Variants in C1orf146 observed in about 807,000 individuals in gnomAD.
C1orf146 encodes the protein chromosome 1 open reading frame 146, also known as protein SPO16 homolog.
A neutral mutation model predicts 23.0 loss-of-function variants in C1orf146; 22 were observed. The observed-to-expected ratio is 0.96, with a 90% CI of 0.68 to 1.36. The LOEUF is 1.36. Among genes scored for constraint, C1orf146 ranks in the 40% most tolerant of loss-of-function variants. The probability of loss-of-function intolerance (pLI) is 0.00; values close to 1 mark genes in which losing one functional copy is unlikely to be tolerated. For missense variants in C1orf146, 199 were observed against 206.8 expected (o/e 0.96, Z 0.23); for synonymous variants, 59 against 65.3 (o/e 0.90, Z 0.47).
At chr1:92,242,091 T>C (rs1652443870) in intron 2 of C1orf146, 121 bp from the exon 3 acceptor site, 1 of 493,774 alleles carries the variant, frequency 2.0e-6, no homozygotes, top group Non-Finnish European at 3.5e-6. Flanking sequence ...ATTTATCTTT[T>C]GATGATCATA....
At chr1:92,234,646 C>T (rs1376727278) in intron 2 of C1orf146, among the ~76,000 whole-genome samples, 2 of 151,742 alleles carry the variant, frequency 1.3e-5, no homozygotes, top group South Asian at 2.1e-4. Flanking sequence ...AGGGAGGATT[C>T]CCTCTTTTTC....
chr1:92,227,266 G>C (rs925299499), intron 1 of C1orf146, among the ~76,000 whole-genome samples: 3 of 152,162 alleles, frequency 2.0e-5, no homozygotes, highest in African/African-American at 7.2e-5. Flanking sequence ...TATTTGGCCG[G>C]GCGTGGTGGC....
Position 92,245,669 on chromosome 1 carries a change from A to G in C1orf146, c.538A>G (p.Asn180Asp), listed in dbSNP as rs201451204. The stretch of plus-strand genomic sequence containing the variant: ...ACTGAATAGTGATTCAGTTAACCCA[A>G]ATTAGAGTACCAACTTAATGTTTTT... ...IKLNSDSVNP[N>D] is the part of the protein sequence containing the mutation. The change falls in exon 6 of 6, where the codon AAT becomes GAT. Residue 180 changes from asparagine to aspartate, a missense_variant. Asn to Asp is a conservative substitution (Grantham distance 23). Transcript: ENST00000370375. 203 of 1,562,590 alleles carry G rather than the reference A, an allele frequency of 1.3e-4. No individual in the cohort carries two copies. Among genetic ancestry groups the G allele is most frequent in the Non-Finnish European group, 1.7e-4 (198 of 1,159,538 alleles).
intron 2 of C1orf146, among the ~76,000 whole-genome samples, chr1:92,237,061 C>G (rs1047750036): frequency 6.6e-6 from 1 of 152,156 alleles, no homozygotes; most frequent in African/African-American, 2.4e-5. Context: ...TGAATTTCCT[C>G]CTGTAGCTCG....
chr1:92,232,240 C>A (rs1052743071), intron 2 of C1orf146, among the ~76,000 whole-genome samples: 2 of 151,560 alleles, frequency 1.3e-5, no homozygotes, highest in Non-Finnish European at 2.9e-5. Flanking sequence ...GGTATATCTC[C>A]CAATGCTATC....
intron 1 of C1orf146, among the ~76,000 whole-genome samples, chr1:92,220,709 A>C (rs547728737): frequency 2.6e-5 from 4 of 152,234 alleles, no homozygotes. Context: ...TTCTGTATCT[A>C]TATTAACAAT....
chr1:92,222,478 A>G (rs575289439), intron 1 of C1orf146, among the ~76,000 whole-genome samples: 1 of 149,816 alleles, frequency 6.7e-6, no homozygotes, highest in East Asian at 2.0e-4. Context: ...TACCCATCCC[A>G]AAGGTTTCCT....
chr1:92,232,157 G>A (rs1428666167), intron 2 of C1orf146, among the ~76,000 whole-genome samples: 1 of 152,050 alleles, frequency 6.6e-6, no homozygotes, highest in Non-Finnish European at 1.5e-5. Flanking sequence ...TGTGCACAGT[G>A]TGCAGATTAG....
chr1:92,245,754 A>G lies in C1orf146; in HGVS notation c.*80A>G, dbSNP rs1408659837. The G allele has an allele frequency of 3.6e-6, 3 of 835,524 alleles. No individual in the cohort carries two copies. The East Asian group carries it at 9.0e-5, about 25-fold the overall frequency. 51.8% of individuals were successfully genotyped at this position (835,524 alleles called of 1,614,324 possible). On this transcript the variant is annotated 3_prime_UTR_variant, in exon 6 of 6. Coordinates refer to ENST00000370375, the MANE Select transcript of C1orf146 (RefSeq NM_001012425.2). ...TTATAATATTCAAATATCTATTTAA[A>G]GACATTTATATTAATTTGAAATAAT...
At chr1:92,230,379 G>A (rs539083896) in intron 1 of C1orf146, among the ~76,000 whole-genome samples, 94 of 152,016 alleles carry the variant, frequency 6.2e-4, no homozygotes, top group African/African-American at 2.1e-3. Context: ...TTGGGAGGCC[G>A]AGGCGGGTGG....
intron 2 of C1orf146, among the ~76,000 whole-genome samples, chr1:92,239,402 A>G (rs1411575150): frequency 6.6e-6 from 1 of 152,202 alleles, no homozygotes; most frequent in African/African-American, 2.4e-5. Context: ...TCTGTAAGAA[A>G]ATTAAATTCC....
rs368160978 is a variant in C1orf146 at position 92,227,412 on chromosome 1, G to A, written c.-39-3970G>A. 2.4e-4 allele frequency among the ~76,000 whole-genome samples: 37 copies of A among 152,166 alleles called. No homozygotes were observed. In the South Asian group the frequency reaches 7.5e-3, roughly 31 times the overall value. Reference sequence around the variant, plus strand: ...AAAAAAATTAGTCAGGCGTGGTGGCGCCTGTAGTCCCAGCTACTCAGGAGG... The same window carrying A: ...AAAAAAATTAGTCAGGCGTGGTGGCACCTGTAGTCCCAGCTACTCAGGAGG... On this transcript the variant is annotated intron_variant, in intron 1 of 5. Transcript: ENST00000370375.
chr1:92,226,614 G>C (rs1285008473), intron 1 of C1orf146, among the ~76,000 whole-genome samples: 1 of 152,152 alleles, frequency 6.6e-6, no homozygotes, highest in African/African-American at 2.4e-5. Flanking sequence ...GTTAATGGTT[G>C]TGTGGTATAT....
intron 2 of C1orf146, among the ~76,000 whole-genome samples, chr1:92,232,378 C>A (rs200874886): frequency 1.3e-5 from 2 of 150,948 alleles, no homozygotes; most frequent in African/African-American, 4.9e-5. Flanking sequence ...TTTGTCCTTG[C>A]GATAGTTTGC....
At chr1:92,236,325 AT>A (rs1652275324) in intron 2 of C1orf146, among the ~76,000 whole-genome samples, 1 of 151,848 alleles carries the variant, frequency 6.6e-6, no homozygotes, top group Non-Finnish European at 1.5e-5. Flanking sequence ...ATCTCTCAGC[AT>A]TTGCTTGTCT....
Position 92,242,194 on chromosome 1 carries a change from TG to T in C1orf146, c.67-17del. ...TAAGCATGCCTTAAATTTGTATTTCTGATATTTTTTAAAAAAGAGTTATGAA... is the reference window on the plus strand; with the variant it reads ...TAAGCATGCCTTAAATTTGTATTTCTATATTTTTTAAAAAAGAGTTATGAA... On this transcript the variant is annotated splice_polypyrimidine_tract_variant and intron_variant, in intron 2 of 5. Transcript: ENST00000370375. 6.9e-7 allele frequency: 1 copy of T among 1,456,070 alleles called. No homozygotes were observed. The highest frequency in any genetic ancestry group is 1.2e-5 in the South Asian group (1 of 80,750). 90.2% of individuals were successfully genotyped at this position (1,456,070 alleles called of 1,614,324 possible).
intron 2 of C1orf146, among the ~76,000 whole-genome samples, chr1:92,238,022 C>A (rs532786599): frequency 6.6e-6 from 1 of 152,272 alleles, no homozygotes; most frequent in East Asian, 1.9e-4. Flanking sequence ...CTCCGCCTCT[C>A]GGGCTCAAGT....
At position 92,219,521 on chromosome 1, in the gene C1orf146, T is replaced by TA. The variant is rs1553129353; in HGVS notation, c.-40+1475dup. 1.4e-4 allele frequency among the ~76,000 whole-genome samples: 20 copies of TA among 141,990 alleles called. 1 individual carries two copies. Among genetic ancestry groups the TA allele is most frequent in the African/African-American group, 4.0e-4 (14 of 35,154 alleles). 93.2% of individuals were successfully genotyped at this position (141,990 alleles called of 152,430 possible). A position where few individuals can be genotyped will look rare whatever the true frequency, so the allele number is the denominator to read the frequency against. ...CTTTTTTTTTTTTTTTTTTTTTTTTTAAGACAGAGTCTCGCTCTATCACCC... is the reference window on the plus strand; with the variant it reads ...CTTTTTTTTTTTTTTTTTTTTTTTTTAAAGACAGAGTCTCGCTCTATCACCC... On this transcript the variant is annotated intron_variant, in intron 1 of 5. Coordinates refer to ENST00000370375, the MANE Select transcript of C1orf146 (RefSeq NM_001012425.2).
At chr1:92,244,672 T>C in intron 4 of C1orf146, 107 bp from the exon 5 acceptor site, 1 of 732,212 alleles carries the variant, frequency 1.4e-6, no homozygotes, top group Non-Finnish European at 2.3e-6. Flanking sequence ...AGGGCATGAA[T>C]GCATAGACAA....
Sources: gnomAD v4.1 joint callset for allele counts (sites outside exome capture counted in the v4.1 genomes callset) on GRCh38, gnomAD v4.1.1 for gene constraint, MANE v1.5 for transcripts, NCBI Gene and HGNC (gene_info 2026-07-23, HGNC 2026-07-21) for gene names.